The following ECT2L variants were observed in gnomAD, a reference collection of about 807,000 sequenced individuals.
The protein encoded by ECT2L is epithelial cell-transforming sequence 2 oncogene-like.
A neutral mutation model predicts 122.8 loss-of-function variants in ECT2L; 126 were observed. The ratio of observed to expected loss-of-function variants is 1.03; its 90% CI spans 0.89 to 1.19. The LOEUF (loss-of-function observed/expected upper bound fraction) is 1.19, where lower values mean the gene tolerates loss of function less well. Ranked by LOEUF, ECT2L falls within the 50% of genes most tolerant of loss-of-function variation. The probability of loss-of-function intolerance (pLI) is 0.00; values close to 1 mark genes in which losing one functional copy is unlikely to be tolerated. For missense variants in ECT2L, 1,012 were observed against 1,064.1 expected, an observed-to-expected ratio of 0.95 and a Z score of 0.68; for synonymous variants, 385 against 381.8, an observed-to-expected ratio of 1.01 and a Z score of -0.10.
chr6:138,813,961 T>G (rs1341591811), intron 3 of ECT2L, among the ~76,000 whole-genome samples: 2 of 152,138 alleles, frequency 1.3e-5, no homozygotes, highest in African/African-American at 4.8e-5. Flanking sequence ...TTTGGGGGAC[T>G]CTGGTCCTTA....
At chr6:138,812,592 T>A (rs1775938147) in intron 1 of ECT2L, among the ~76,000 whole-genome samples, 1 of 152,080 alleles carries the variant, frequency 6.6e-6, no homozygotes, top group Non-Finnish European at 1.5e-5. Flanking sequence ...TCATTTGAGG[T>A]CTGTGAGTTC....
At chr6:138,797,516 C>T (rs1775385500) in intron 1 of ECT2L, among the ~76,000 whole-genome samples, 1 of 152,108 alleles carries the variant, frequency 6.6e-6, no homozygotes, top group Non-Finnish European at 1.5e-5. Context: ...TAACAGATAA[C>T]CTGTGGAAAC....
intron 1 of ECT2L, among the ~76,000 whole-genome samples, chr6:138,809,134 A>C (rs1043061617): frequency 6.6e-6 from 1 of 152,228 alleles, no homozygotes; most frequent in East Asian, 1.9e-4. Flanking sequence ...ACAGAGAGAA[A>C]GTTTTATCAT....
At chr6:138,817,169 T>A (rs1350652348) in intron 4 of ECT2L, among the ~76,000 whole-genome samples, 1 of 152,248 alleles carries the variant, frequency 6.6e-6, no homozygotes. Flanking sequence ...ATTGTATGGA[T>A]GTGCCATATT....
chr6:138,816,275 G>A (rs985000991), intron 4 of ECT2L, among the ~76,000 whole-genome samples: 6 of 152,144 alleles, frequency 3.9e-5, no homozygotes, highest in Non-Finnish European at 8.8e-5. Context: ...TTTTGAAGCA[G>A]CTTAACTCAG....
At chr6:138,888,313 T>TTTTC (rs201887351) in intron 19 of ECT2L, among the ~76,000 whole-genome samples, 41 of 122,430 alleles carry the variant, frequency 3.3e-4, no homozygotes, top group South Asian at 5.4e-4. Context: ...CTTCTTTTTC[T>TTTTC]TTTCTTTTTT....
At chr6:138,900,124 CT>C (rs1388799501) in intron 20 of ECT2L, among the ~76,000 whole-genome samples, 1 of 152,244 alleles carries the variant, frequency 6.6e-6, no homozygotes. Flanking sequence ...AGGTTATCTA[CT>C]GCTTTCCAAT....
chr6:138,857,610 G>A (rs1352590875), intron 10 of ECT2L, among the ~76,000 whole-genome samples: 1 of 152,006 alleles, frequency 6.6e-6, no homozygotes, highest in Non-Finnish European at 1.5e-5. Flanking sequence ...GCAGAGGAAC[G>A]CCCCTTCTTG....
intron 14 of ECT2L, among the ~76,000 whole-genome samples, chr6:138,878,245 T>C (rs908827839): frequency 1.3e-5 from 2 of 151,560 alleles, no homozygotes; most frequent in African/African-American, 4.9e-5. Flanking sequence ...CAATGATAAA[T>C]GAAAAACATG....
chr6:138,799,766 A>T (rs1485443560), intron 1 of ECT2L, among the ~76,000 whole-genome samples: 2 of 152,088 alleles, frequency 1.3e-5, no homozygotes, highest in African/African-American at 4.8e-5. Context: ...GGCCAGGCTG[A>T]TCTGGAACTC....
At chr6:138,885,123 G>A (rs375164704) in intron 16 of ECT2L, among the ~76,000 whole-genome samples, 68 of 148,904 alleles carry the variant, frequency 4.6e-4, no homozygotes, top group African/African-American at 1.6e-3. Context: ...CCGCCTCACA[G>A]GTTCATGCCA....
chr6:138,801,678 C>T (rs894989122), intron 1 of ECT2L, among the ~76,000 whole-genome samples: 2 of 152,066 alleles, frequency 1.3e-5, no homozygotes, highest in Non-Finnish European at 2.9e-5. Context: ...TTGCTTGAAC[C>T]AGGGAGGTGG....
At chr6:138,830,803 C>T (rs1375118474) in intron 4 of ECT2L, among the ~76,000 whole-genome samples, 5 of 152,146 alleles carry the variant, frequency 3.3e-5, no homozygotes, top group Admixed American at 1.3e-4. Context: ...TTCCTCCAGC[C>T]TGTGGGAACT....
Position 138,862,660 on chromosome 6 carries a change from A to T in ECT2L, c.1232A>T (p.Gln411Leu). 1 of 1,614,184 alleles carries T rather than the reference A, an allele frequency of 6.2e-7. No individual in the cohort carries two copies. The highest frequency in any genetic ancestry group is 8.5e-7 in the Non-Finnish European group (1 of 1,179,984). The change falls in exon 11 of 22, where the codon CAA becomes CTA. Residue 411 changes from glutamine to leucine, a missense_variant. Coordinates refer to ENST00000541398, the MANE Select transcript of ECT2L (RefSeq NM_001077706.3). ...AGIEVLSQLSQLTGTFFTAPT... is the reference protein window; with the variant it reads ...AGIEVLSQLSLLTGTFFTAPT... ...ATTGAAGTTCTTTCCCAGCTGTCTCAACTAACTGGCACGTTCTTTACGGCC... is the reference window on the plus strand; with the variant it reads ...ATTGAAGTTCTTTCCCAGCTGTCTCTACTAACTGGCACGTTCTTTACGGCC...
chr6:138,890,961 C>T (rs1256606677), intron 20 of ECT2L, among the ~76,000 whole-genome samples: 1 of 152,058 alleles, frequency 6.6e-6, no homozygotes, highest in Non-Finnish European at 1.5e-5. Context: ...GTAATAGAAG[C>T]CAACAATAAA....
chr6:138,864,871 T>A, intron 11 of ECT2L, 125 bp from the exon 12 acceptor site: 1 of 873,928 alleles, frequency 1.1e-6, no homozygotes. Context: ...GTCTTAGTCT[T>A]CTAATGAGAA....
chr6:138,830,014 G>A (rs948375134), intron 4 of ECT2L, among the ~76,000 whole-genome samples: 68 of 152,230 alleles, frequency 4.5e-4, no homozygotes, highest in African/African-American at 1.5e-3. Context: ...GTGAGCCACC[G>A]CGCCCAGCCT....
chr6:138,874,077 A>G (rs1232309017), intron 13 of ECT2L, among the ~76,000 whole-genome samples: 1 of 152,148 alleles, frequency 6.6e-6, no homozygotes, highest in African/African-American at 2.4e-5. Flanking sequence ...CCTGAACTCT[A>G]CCTGTCATTT....
At chr6:138,886,471 G>C (rs1778824630) in intron 18 of ECT2L, among the ~76,000 whole-genome samples, 1 of 149,418 alleles carries the variant, frequency 6.7e-6, no homozygotes, top group Admixed American at 6.7e-5. Flanking sequence ...GTAGTGGTGT[G>C]ATCTCGGCTC....
Sources: allele counts gnomAD v4.1 joint callset (sites outside exome capture counted in the v4.1 genomes callset), GRCh38; gene constraint gnomAD v4.1.1; transcripts MANE v1.5; gene names NCBI Gene and HGNC (gene_info 2026-07-23, HGNC 2026-07-21).